The following TMPRSS9 variants were observed in gnomAD, a reference collection of about 807,000 sequenced individuals.
The protein encoded by TMPRSS9 is transmembrane serine protease 9.
TMPRSS9 carries 113 observed loss-of-function variants against 111.4 expected under a neutral mutation model. The ratio of observed to expected loss-of-function variants is 1.01; its 90% CI spans 0.87 to 1.19. TMPRSS9 has a LOEUF of 1.19. TMPRSS9 is among the 50% of genes most tolerant of loss of function. The pLI is 0.00. For synonymous variants in TMPRSS9, 805 were observed against 659.1 expected, an observed-to-expected ratio of 1.22 and a Z score of -3.39; for missense variants, 1,803 against 1,513.1, an observed-to-expected ratio of 1.19 and a Z score of -3.18.
At chr19:2,420,824 GAAT>G (rs773025994) in intron 13 of TMPRSS9, among the ~76,000 whole-genome samples, 7 of 152,066 alleles carry the variant, frequency 4.6e-5, no homozygotes, top group Non-Finnish European at 1.0e-4. Context: ...AATAAAAATA[GAAT>G]AATAGGTATT....
At chr19:2,415,740 G>A in exon 11 of TMPRSS9, 1 of 1,610,444 alleles carries the variant, frequency 6.2e-7, no homozygotes, top group Non-Finnish European at 8.5e-7. Flanking sequence ...CCTCCGGGGA[G>A]GTGCCCTGGC....
In TMPRSS9 at chr19:2,400,193, C is replaced by T. The variant is rs183287186; in HGVS notation, c.514+1000C>T. On this transcript the variant is annotated intron_variant, in intron 4 of 17. Coordinates refer to ENST00000648592, the Ensembl canonical transcript of TMPRSS9. The stretch of plus-strand genomic sequence containing the variant: ...CAGTGGGCTGGATTTGGCCTATGGC[C>T]GTAGTTGGCCAACCCCCTACTGTAG... 5.3e-4 allele frequency among the ~76,000 whole-genome samples: 80 copies of T among 152,332 alleles called. No homozygotes were observed. In the East Asian group the frequency reaches 0.012, roughly 22 times the overall value.
chr19:2,409,789 T>C (rs3848630), intron 8 of TMPRSS9, among the ~76,000 whole-genome samples: 13,889 of 152,004 alleles, frequency 0.091, 924 homozygotes, highest in East Asian at 0.26. Flanking sequence ...AGGGTGGTGC[T>C]GGCTGCCGGG....
chr19:2,374,121 C>T (rs1050437509), intron 1 of TMPRSS9, among the ~76,000 whole-genome samples: 70 of 152,052 alleles, frequency 4.6e-4, no homozygotes, highest in Admixed American at 2.6e-4. Context: ...CTGACCCCTC[C>T]GCGGCTTCAC....
At chr19:2,398,244 C>T (rs1045316364) in intron 2 of TMPRSS9, among the ~76,000 whole-genome samples, 2 of 148,770 alleles carry the variant, frequency 1.3e-5, no homozygotes, top group Non-Finnish European at 3.0e-5. Context: ...TGCAATGAGC[C>T]GAGATCGTGC....
chr19:2,400,564 AAAAT>A (rs1264247049), intron 4 of TMPRSS9, among the ~76,000 whole-genome samples: 3 of 152,002 alleles, frequency 2.0e-5, no homozygotes, highest in Admixed American at 1.3e-4. Context: ...ATAAAAATAA[AAAAT>A]AAAATTATAC....
intron 1 of TMPRSS9, among the ~76,000 whole-genome samples, chr19:2,381,642 A>C (rs1970386677): frequency 7.3e-6 from 1 of 137,144 alleles, no homozygotes; most frequent in Admixed American, 7.4e-5. Context: ...ACTCCCCGCC[A>C]CCCTGGTACA....
intron 9 of TMPRSS9, among the ~76,000 whole-genome samples, chr19:2,411,676 C>G (rs555374055): frequency 2.0e-5 from 3 of 152,032 alleles, no homozygotes; most frequent in African/African-American, 2.4e-5. Flanking sequence ...CTCAGCCTCC[C>G]GAGTAGCTGG....
At chr19:2,408,731 C>G in intron 8 of TMPRSS9, 101 bp downstream of exon 9, 1 of 1,460,120 alleles carries the variant, frequency 6.8e-7, no homozygotes, top group Non-Finnish European at 9.2e-7. Context: ...CATCCCAGCA[C>G]TTTGGGAGGC....
exon 10 of TMPRSS9, chr19:2,414,018 G>C: frequency 2.6e-6 from 4 of 1,564,788 alleles, no homozygotes; most frequent in Non-Finnish European, 3.5e-6. Flanking sequence ...TAAGCTACAA[G>C]GTATTTTCGG....
Position 2,426,182 on chromosome 19 carries a change from C to T in TMPRSS9, c.*94C>T, listed in dbSNP as rs1039391584. On this transcript the variant is annotated 3_prime_UTR_variant, in exon 18 of 18. Coordinates refer to ENST00000648592, the Ensembl canonical transcript of TMPRSS9. Reference sequence around the variant, plus strand: ...CACCCCACCGTACCCTACCCAAGGACGGGTGTGGGGGGGCTGTGGGTCATG... The same window carrying T: ...CACCCCACCGTACCCTACCCAAGGATGGGTGTGGGGGGGCTGTGGGTCATG... The T allele has an allele frequency of 5.6e-5, 54 of 968,890 alleles. No individual in the cohort carries two copies. In the East Asian group the frequency reaches 9.9e-4, roughly 18 times the overall value. 60.0% of individuals were successfully genotyped at this position (968,890 alleles called of 1,614,324 possible). A position where few individuals can be genotyped will look rare whatever the true frequency, so the allele number is the denominator to read the frequency against.
intron 1 of TMPRSS9, among the ~76,000 whole-genome samples, chr19:2,393,283 G>A (rs7253940): frequency 0.12 from 17,506 of 152,096 alleles, 1,640 homozygotes; most frequent in African/African-American, 0.26. Context: ...AAGGTCTGCA[G>A]TTTCACTCCT....
At chr19:2,401,336 G>T (rs927144944) in intron 4 of TMPRSS9, among the ~76,000 whole-genome samples, 2 of 151,964 alleles carry the variant, frequency 1.3e-5, no homozygotes, top group Non-Finnish European at 2.9e-5. Context: ...CCCACCAACC[G>T]TCACATGCTG....
chr19:2,424,902 A>T, intron 15 of TMPRSS9, 100 bp from the exon 17 acceptor site: 1 of 1,338,678 alleles, frequency 7.5e-7, no homozygotes. Context: ...GAGGCCAATA[A>T]CCCTGCCCAG....
At chr19:2,411,051 G>A (rs1364881709) in intron 9 of TMPRSS9, among the ~76,000 whole-genome samples, 4 of 151,966 alleles carry the variant, frequency 2.6e-5, no homozygotes, top group Non-Finnish European at 5.9e-5. Flanking sequence ...TGTAATCCCA[G>A]CACTATGCGA....
chr19:2,420,679 C>A (rs1189587552), intron 13 of TMPRSS9, among the ~76,000 whole-genome samples: 1 of 152,146 alleles, frequency 6.6e-6, no homozygotes, highest in East Asian at 1.9e-4. Context: ...AGTGCCTTAA[C>A]CTCTCTGGGA....
At chr19:2,397,040 C>T (rs1439535904) in intron 2 of TMPRSS9, among the ~76,000 whole-genome samples, 43 of 151,942 alleles carry the variant, frequency 2.8e-4, no homozygotes. Context: ...CCTGCCTCAG[C>T]CTCCCGAGTA....
upstream of TMPRSS9, chr19:2,389,664 C>A: frequency 1.6e-6 from 2 of 1,263,410 alleles, no homozygotes; most frequent in South Asian, 3.1e-5. Context: ...CACCGCGCCC[C>A]GCCGTTTTTA....
chr19:2,409,538 A>G (rs375422324), intron 8 of TMPRSS9, among the ~76,000 whole-genome samples: 95 of 152,114 alleles, frequency 6.2e-4, no homozygotes, highest in African/African-American at 2.2e-3. Flanking sequence ...GGGGTTGTCA[A>G]TCAGCCACAA....
Sources: allele counts gnomAD v4.1 joint callset (sites outside exome capture counted in the v4.1 genomes callset), GRCh38; gene constraint gnomAD v4.1.1; transcripts MANE v1.5; gene names NCBI Gene and HGNC (gene_info 2026-07-23, HGNC 2026-07-21).